KANSL1: variants seen among roughly 807,000 people sequenced by gnomAD.
KANSL1 encodes the protein KAT8 regulatory NSL complex subunit 1.
Under a neutral mutation model 103.6 loss-of-function variants are expected in KANSL1, and 22 were observed. That is an observed-to-expected ratio of 0.21 (90% CI 0.15 to 0.30). The LOEUF (loss-of-function observed/expected upper bound fraction) is 0.30. KANSL1 is among the 10% of genes least tolerant of loss of function. The pLI is 1.00. For synonymous variants in KANSL1, 600 were observed against 527.6 expected (o/e 1.14, Z -1.88); for missense variants, 1,337 against 1,399.8 (o/e 0.96, Z 0.72).
chr17:46,215,381 A>G (rs1182219544), intron 1 of KANSL1, among the ~76,000 whole-genome samples: 1 of 152,266 alleles, frequency 6.6e-6, no homozygotes, highest in Non-Finnish European at 1.5e-5. Flanking sequence ...CTCTACCTTC[A>G]AAGCTAGTTG....
At position 46,130,187 on chromosome 17, in the gene KANSL1, C is replaced by CAAAAAAAAAAAAAAAAAAAAAAAAAAA. The variant is rs35017603; in HGVS notation, c.1290-35487_1290-35486insTTTTTTTTTTTTTTTTTTTTTTTTTTT. The stretch of plus-strand genomic sequence containing the variant: ...GGGCAAAAGAATGAGATCCTGTCTC[C>CAAAAAAAAAAAAAAAAAAAAAAAAAAA]AAAAAAAAAAAAAAAAAAAAAGGAA... On this transcript the variant is annotated intron_variant, in intron 2 of 14. Coordinates refer to ENST00000432791, the MANE Select transcript of KANSL1 (RefSeq NM_015443.4). Among the ~76,000 whole-genome samples the CAAAAAAAAAAAAAAAAAAAAAAAAAAA allele has an allele frequency of 5.3e-4, 40 of 75,446 alleles. 1 individual carries two copies. Among genetic ancestry groups the CAAAAAAAAAAAAAAAAAAAAAAAAAAA allele is most frequent in the Non-Finnish European group, 8.4e-4 (31 of 36,964 alleles). 49.5% of individuals were successfully genotyped at this position (75,446 alleles called of 152,430 possible).
chr17:46,103,264 A>G (rs150448171), intron 2 of KANSL1, among the ~76,000 whole-genome samples: 2 of 152,346 alleles, frequency 1.3e-5, no homozygotes, highest in African/African-American at 4.8e-5. Flanking sequence ...ATACAAGCTA[A>G]AAGATAATAA....
chr17:46,174,579 T>C (rs889239660), intron 1 of KANSL1, among the ~76,000 whole-genome samples: 15 of 152,256 alleles, frequency 9.9e-5, no homozygotes, highest in Non-Finnish European at 1.6e-4. Context: ...TGTGTAACAT[T>C]TGGAAGATCT....
intron 2 of KANSL1, among the ~76,000 whole-genome samples, chr17:46,112,698 A>G (rs2042872108): frequency 1.3e-5 from 2 of 149,538 alleles, no homozygotes; most frequent in Admixed American, 6.8e-5. Flanking sequence ...AACAAAACAA[A>G]ACAAAACAAA....
chr17:46,161,441 A>G (rs2045738314), intron 2 of KANSL1, among the ~76,000 whole-genome samples: 1 of 151,874 alleles, frequency 6.6e-6, no homozygotes, highest in Non-Finnish European at 1.5e-5. Context: ...GTCTCAAAAA[A>G]AAAAAAACCT....
intron 1 of KANSL1, among the ~76,000 whole-genome samples, chr17:46,203,854 C>T (rs1468490441): frequency 4.6e-5 from 7 of 152,222 alleles, no homozygotes; most frequent in Non-Finnish European, 8.8e-5. Context: ...GGAACCTCTA[C>T]CCTGAATGTT....
intron 2 of KANSL1, among the ~76,000 whole-genome samples, chr17:46,142,678 T>C (rs1478218495): frequency 1.3e-5 from 2 of 152,234 alleles, no homozygotes; most frequent in African/African-American, 2.4e-5. Flanking sequence ...ACTTTCCCAA[T>C]GCAAATTTAA....
At position 46,082,448 on chromosome 17, in the gene KANSL1, T is replaced by C. The variant is rs2146826344; in HGVS notation, c.1526A>G (p.Asp509Gly). The change falls in exon 4 of 15, where the codon GAT (aspartate) becomes GGT (glycine). Residue 509 changes from aspartate to glycine, a missense_variant. Coordinates refer to ENST00000432791, the MANE Select transcript of KANSL1 (RefSeq NM_015443.4). Reference sequence around the variant, plus strand: ...TCTATCTTTTATACTTACCAATTTATCAGTCCCATGATCTGTCTTCACCTC... The same window carrying C: ...TCTATCTTTTATACTTACCAATTTACCAGTCCCATGATCTGTCTTCACCTC... Reference protein sequence around the residue: ...SSEVKTDHGTDKLIESVSQPL... With the variant: ...SSEVKTDHGTGKLIESVSQPL... The C allele has an allele frequency of 6.2e-7, 1 of 1,602,470 alleles. No homozygotes were observed. Among genetic ancestry groups the C allele is most frequent in the African/African-American group, 1.3e-5 (1 of 74,840 alleles).
At chr17:46,203,862 G>GTTTT in intron 1 of KANSL1, among the ~76,000 whole-genome samples, 1 of 152,362 alleles carries the variant, frequency 6.6e-6, no homozygotes, top group South Asian at 2.1e-4. Context: ...TACCCTGAAT[G>GTTTT]TTAAATAATA....
intron 2 of KANSL1, among the ~76,000 whole-genome samples, chr17:46,101,754 C>CAAAA (rs372439614): frequency 5.0e-4 from 47 of 93,650 alleles, no homozygotes; most frequent in African/African-American, 6.8e-4. Flanking sequence ...ACTCTGTCTA[C>CAAAA]AAAAAAAAAA....
intron 10 of KANSL1, 182 bp from the exon 11 acceptor site, chr17:46,034,467 G>T: frequency 1.8e-6 from 1 of 567,712 alleles, no homozygotes; most frequent in Non-Finnish European, 3.1e-6. Flanking sequence ...AAACCTCACG[G>T]AGAAATACCA....
At chr17:46,041,914 ATT>A (rs879585962) in intron 7 of KANSL1, 3,304 of 91,674 alleles carry the variant, frequency 0.036, 123 homozygotes, top group African/African-American at 0.12. Context: ...GTGTGTGTAT[ATT>A]TTTTTTTTTT....
chr17:46,179,848 C>A (rs891591343), intron 1 of KANSL1, among the ~76,000 whole-genome samples: 8 of 152,096 alleles, frequency 5.3e-5, no homozygotes, highest in Non-Finnish European at 8.8e-5. Context: ...GCGGGTAGAT[C>A]ACCTGAGATC....
rs1023164178 is a variant in KANSL1 at position 46,146,832 on chromosome 17, CAAAAAAA to C, written c.1289+24016_1289+24022del. On this transcript the variant is annotated intron_variant, in intron 2 of 14. Coordinates refer to ENST00000432791, the MANE Select transcript of KANSL1 (RefSeq NM_015443.4). ...TGGGCGACAGAGCGAGACTCCGTCT[CAAAAAAA>C]AAAAAAAAAAAAAAAAAAGAAGTTG... 7.5e-4 allele frequency among the ~76,000 whole-genome samples: 28 copies of C among 37,322 alleles called. 1 individual carries two copies. The highest frequency in any genetic ancestry group is 7.9e-4 in the Non-Finnish European group (13 of 16,376). 24.5% of individuals were successfully genotyped at this position (37,322 alleles called of 152,430 possible).
chr17:46,031,395 G>T lies in KANSL1; in HGVS notation c.*81C>A, dbSNP rs2077001064. 1 of 1,279,892 alleles carries T rather than the reference G, an allele frequency of 7.8e-7. No homozygotes were observed. The highest frequency in any genetic ancestry group is 1.1e-6 in the Non-Finnish European group (1 of 932,254). The allele number at this position is 1,279,892 out of a possible 1,614,324, so 79.3% of individuals were successfully genotyped here. On this transcript the variant is annotated 3_prime_UTR_variant, in exon 15 of 15. Coordinates refer to ENST00000432791, the MANE Select transcript of KANSL1 (RefSeq NM_015443.4). The stretch of plus-strand genomic sequence containing the variant: ...AAAACTGTGAAAATTTCCGGCATAT[G>T]ATGTTTGAATATCAAACGCAGAGAT...
chr17:46,171,104 G>C lies in KANSL1; in HGVS notation c.1040C>G (p.Thr347Ser), dbSNP rs760709845. The change falls in exon 2 of 15, where the codon ACT becomes AGT. Residue 347 changes from threonine to serine, a missense_variant. By Grantham distance (58) the Thr-to-Ser change is moderately conservative. Coordinates refer to ENST00000432791, the MANE Select transcript of KANSL1 (RefSeq NM_015443.4). ...TCTCAAGGCAGCTTCAGCCTTTCGA[G>C]TCAGCATCAACTGGCTCCGTGGTCT... is the stretch of plus-strand genomic sequence containing the variant. ...SLRPRSQLMLTRKAEAALRKA... is the reference protein window; with the variant it reads ...SLRPRSQLMLSRKAEAALRKA... The C allele has an allele frequency of 1.2e-6, 2 of 1,614,166 alleles. No homozygotes were observed. The highest frequency in any genetic ancestry group is 2.2e-5 in the South Asian group (2 of 91,090).
intron 2 of KANSL1, among the ~76,000 whole-genome samples, chr17:46,116,095 A>G (rs1034848710): frequency 2.3e-4 from 35 of 152,238 alleles, no homozygotes; most frequent in Admixed American, 6.5e-5. Flanking sequence ...GACCTGAAAA[A>G]CTTACGACAG....
At chr17:46,180,673 G>C (rs1337907430) in intron 1 of KANSL1, among the ~76,000 whole-genome samples, 1 of 152,078 alleles carries the variant, frequency 6.6e-6, no homozygotes, top group Non-Finnish European at 1.5e-5. Flanking sequence ...GCGACAAAGA[G>C]AGGCTCTGTC....
chr17:46,170,944 T>G lies in KANSL1; in HGVS notation c.1200A>C (p.Ser400=). The change falls in exon 2 of 15, where the codon TCA becomes TCC. Residue 400 remains serine (S), a synonymous_variant. Transcript: ENST00000432791. ...CTCCTGAACTACTGTCAGTGACATC[T>G]GAATCAAATGCCTGTTCACTGCACC... ...NLRCSEQAFD[S]DVTDSSSGGE... 6.2e-7 allele frequency: 1 copy of G among 1,614,186 alleles called. No homozygotes were observed. Among genetic ancestry groups the G allele is most frequent in the Non-Finnish European group, 8.5e-7 (1 of 1,180,046 alleles).
Sources: allele counts gnomAD v4.1 joint callset (sites outside exome capture counted in the v4.1 genomes callset), GRCh38; gene constraint gnomAD v4.1.1; transcripts MANE v1.5; gene names NCBI Gene and HGNC (gene_info 2026-07-23, HGNC 2026-07-21).